The following TFEC variants were observed in gnomAD, a reference collection of about 807,000 sequenced individuals.
The protein encoded by TFEC is class E basic helix-loop-helix protein 34.
A neutral mutation model predicts 41.6 loss-of-function variants in TFEC; 31 were observed. The observed-to-expected ratio is 0.74, with a 90% CI of 0.56 to 1.01. The LOEUF (loss-of-function observed/expected upper bound fraction) is 1.01. TFEC is among the 50% of genes least tolerant of loss of function. The probability of loss-of-function intolerance (pLI) is 0.00; values close to 1 mark genes in which losing one functional copy is unlikely to be tolerated. For synonymous variants in TFEC, 143 were observed against 140.6 expected (o/e 1.02, Z -0.12); for missense variants, 402 against 404.1 (o/e 0.99, Z 0.04).
At chr7:116,057,426 T>C (rs1796455235) in intron 3 of TFEC, among the ~76,000 whole-genome samples, 1 of 151,972 alleles carries the variant, frequency 6.6e-6, no homozygotes, top group Admixed American at 6.6e-5. Flanking sequence ...CCTATATTTC[T>C]ATATTCAACA....
At chr7:116,055,732 T>C (rs1440359959) in intron 3 of TFEC, among the ~76,000 whole-genome samples, 3 of 152,058 alleles carry the variant, frequency 2.0e-5, no homozygotes, top group South Asian at 4.1e-4. Flanking sequence ...AGAATAGGTA[T>C]AATAATTTTT....
intron 3 of TFEC, among the ~76,000 whole-genome samples, chr7:116,068,108 A>G (rs1796737721): frequency 6.6e-6 from 1 of 151,932 alleles, no homozygotes; most frequent in Non-Finnish European, 1.5e-5. Flanking sequence ...TTTCAAATGA[A>G]GACTTAATTG....
At chr7:116,077,765 A>C (rs1252279770) in intron 3 of TFEC, among the ~76,000 whole-genome samples, 3 of 152,048 alleles carry the variant, frequency 2.0e-5, no homozygotes, top group East Asian at 1.9e-4. Context: ...CTGGACCTCC[A>C]AAATTTATAG....
At chr7:116,060,254 A>G (rs1436916360) in intron 3 of TFEC, among the ~76,000 whole-genome samples, 1 of 152,162 alleles carries the variant, frequency 6.6e-6, no homozygotes, top group Non-Finnish European at 1.5e-5. Context: ...ACACTCATAC[A>G]CTGTTGGTGG....
At chr7:116,018,173 T>G (rs1795264848) in intron 1 of TFEC, among the ~76,000 whole-genome samples, 1 of 152,202 alleles carries the variant, frequency 6.6e-6, no homozygotes, top group South Asian at 2.1e-4. Flanking sequence ...TAGGAACTAT[T>G]ACTATCCTGG....
chr7:115,954,546 TC>T, intron 5 of TFEC, 39 bp downstream of exon 5: 2 of 1,560,602 alleles, frequency 1.3e-6, no homozygotes, highest in Non-Finnish European at 1.8e-6. Context: ...TCTATGCATT[TC>T]CTTTTGCATT....
At chr7:116,061,659 AAAGAT>A (rs1796558583) in intron 3 of TFEC, among the ~76,000 whole-genome samples, 3 of 144,730 alleles carry the variant, frequency 2.1e-5, no homozygotes, top group South Asian at 2.2e-4. Flanking sequence ...GAGAGAATGA[AAAGAT>A]AAGACTACGA....
chr7:116,093,674 T>C (rs1198522084), intron 3 of TFEC, among the ~76,000 whole-genome samples: 1 of 152,210 alleles, frequency 6.6e-6, no homozygotes, highest in Non-Finnish European at 1.5e-5. Context: ...CTCTAACTTT[T>C]TTATAGACAA....
chr7:116,053,090 A>C (rs1445611769), intron 3 of TFEC, among the ~76,000 whole-genome samples: 1 of 152,020 alleles, frequency 6.6e-6, no homozygotes, highest in African/African-American at 2.4e-5. Flanking sequence ...GAAAGAAAGA[A>C]ATGTCATGGA....
chr7:116,132,209 G>A (rs1265897063), intron 1 of TFEC, among the ~76,000 whole-genome samples: 1 of 152,124 alleles, frequency 6.6e-6, no homozygotes, highest in Non-Finnish European at 1.5e-5. Flanking sequence ...TCAAAGAAAT[G>A]TATGTAATCA....
intron 1 of TFEC, among the ~76,000 whole-genome samples, chr7:116,151,402 C>A (rs1171579214): frequency 6.6e-6 from 1 of 151,976 alleles, no homozygotes; most frequent in African/African-American, 2.4e-5. Flanking sequence ...ACCACCACAC[C>A]AGGCTAATTT....
intron 1 of TFEC, among the ~76,000 whole-genome samples, chr7:115,992,875 ACCAAAG>A (rs1794187679): frequency 6.6e-6 from 1 of 152,214 alleles, no homozygotes; most frequent in South Asian, 2.1e-4. Flanking sequence ...TCATCCTGAT[ACCAAAG>A]CCTGGCAGAG....
chr7:116,095,792 A>C (rs763617492), intron 3 of TFEC, among the ~76,000 whole-genome samples: 1 of 151,568 alleles, frequency 6.6e-6, no homozygotes, highest in African/African-American at 2.4e-5. Flanking sequence ...TTTCTTGAAT[A>C]TCTCTTGCTT....
chr7:115,967,744 C>T (rs1792929497), intron 3 of TFEC, among the ~76,000 whole-genome samples: 1 of 151,562 alleles, frequency 6.6e-6, no homozygotes, highest in African/African-American at 2.4e-5. Context: ...GGCAGATTAT[C>T]TGGAAATACA....
At chr7:115,993,701 T>A (rs1023501553) in intron 1 of TFEC, among the ~76,000 whole-genome samples, 1 of 152,022 alleles carries the variant, frequency 6.6e-6, no homozygotes, top group African/African-American at 2.4e-5. Flanking sequence ...CTCCATGAAA[T>A]AAAAGAGGAC....
chr7:115,951,033 TA>T, intron 5 of TFEC, 84 bp from the exon 6 acceptor site: 1 of 754,670 alleles, frequency 1.3e-6, no homozygotes, highest in Non-Finnish European at 2.0e-6. Context: ...AACAATCTTT[TA>T]AAAACAATGG....
At chr7:116,142,184 T>C (rs1359478301) in intron 1 of TFEC, among the ~76,000 whole-genome samples, 1 of 152,170 alleles carries the variant, frequency 6.6e-6, no homozygotes, top group African/African-American at 2.4e-5. Context: ...AGAATGTACA[T>C]CTTCAGAGGC....
At chr7:115,958,975 C>A (rs1030385657) in intron 3 of TFEC, among the ~76,000 whole-genome samples, 1 of 151,710 alleles carries the variant, frequency 6.6e-6, no homozygotes, top group Non-Finnish European at 1.5e-5. Context: ...ATTGCATTCA[C>A]CTGTGAAAAA....
chr7:116,116,296 G>A (rs1182667112), intron 1 of TFEC, among the ~76,000 whole-genome samples: 1 of 151,938 alleles, frequency 6.6e-6, no homozygotes, highest in East Asian at 1.9e-4. Flanking sequence ...GTATATGGGG[G>A]ACATGATAGC....
Sources: allele counts gnomAD v4.1 joint callset (sites outside exome capture counted in the v4.1 genomes callset), GRCh38; gene constraint gnomAD v4.1.1; transcripts MANE v1.5; gene names NCBI Gene and HGNC (gene_info 2026-07-23, HGNC 2026-07-21).